TBL1X: variants seen among roughly 807,000 people sequenced by gnomAD.
The protein encoded by TBL1X is F-box-like/WD repeat-containing protein TBL1X.
In TBL1X, 10 loss-of-function variants were observed where a neutral mutation model predicts 50.7. The ratio of observed to expected loss-of-function variants is 0.20; its 90% CI spans 0.12 to 0.33. TBL1X has a LOEUF of 0.33. TBL1X is among the 10% of genes least tolerant of loss of function. TBL1X has a pLI of 1.00. For synonymous variants in TBL1X, 190 were observed against 214.7 expected (o/e 0.88, Z 1.01); for missense variants, 340 against 504.4 (o/e 0.67, Z 3.12).
At chrX:9,580,715 AG>A (rs892202473) in intron 2 of TBL1X, among the ~76,000 whole-genome samples, 3 of 111,180 alleles carry the variant, frequency 2.7e-5, no homozygotes, top group African/African-American at 9.8e-5. Flanking sequence ...TGCAGGGGGA[AG>A]GGGGGGTGCT....
chrX:9,515,859 C>T (rs905089601), intron 2 of TBL1X, among the ~76,000 whole-genome samples: 5 of 111,266 alleles, frequency 4.5e-5, no homozygotes, highest in South Asian at 3.8e-4. Flanking sequence ...GGGCTTTAGG[C>T]GGGTAAGAGG....
intron 2 of TBL1X, among the ~76,000 whole-genome samples, chrX:9,577,409 C>T (rs1204486364): frequency 8.9e-6 from 1 of 112,037 alleles, no homozygotes; most frequent in Non-Finnish European, 1.9e-5. Flanking sequence ...GAAGAGCCGG[C>T]CCCACCTAGG....
At chrX:9,512,700 C>T (rs748505709) in intron 2 of TBL1X, among the ~76,000 whole-genome samples, 5 of 110,496 alleles carry the variant, frequency 4.5e-5, no homozygotes, top group South Asian at 3.9e-4. Context: ...GGTTTCACCA[C>T]GTTGGCCAGG....
chrX:9,545,884 G>A (rs183232781), intron 2 of TBL1X, among the ~76,000 whole-genome samples: 26 of 111,863 alleles, frequency 2.3e-4, no homozygotes, highest in African/African-American at 7.2e-4. Context: ...CTGTATTGTA[G>A]AGGAGTCCCC....
Position 9,502,446 on chromosome X carries a change from T to TC in TBL1X, c.-131+599dup, listed in dbSNP as rs1255984247. 9.8e-5 allele frequency among the ~76,000 whole-genome samples: 11 copies of TC among 112,239 alleles called. No homozygotes were observed. The South Asian group carries it at 2.2e-3, about 23-fold the overall frequency. ...CTGTGCAGGCAGCTGGTGTTCCTGC[T>TC]CCTCCCGCCCAGCTTTGCTTATGAT... On this transcript the variant is annotated intron_variant, in intron 2 of 17. Coordinates refer to ENST00000645353, the MANE Select transcript of TBL1X (RefSeq NM_005647.4).
chrX:9,547,212 C>G (rs1007466545), intron 2 of TBL1X, among the ~76,000 whole-genome samples: 3 of 111,526 alleles, frequency 2.7e-5, no homozygotes, highest in Admixed American at 9.5e-5. Context: ...AGTGGGAACC[C>G]CTCCAGGCTG....
intron 1 of TBL1X, among the ~76,000 whole-genome samples, chrX:9,495,494 A>G (rs886162537): frequency 1.8e-5 from 2 of 111,178 alleles, no homozygotes; most frequent in African/African-American, 6.6e-5. Context: ...TATGTTCTGT[A>G]AAGTCGCTGA....
At chrX:9,653,026 G>A (rs1232260027) in intron 3 of TBL1X, among the ~76,000 whole-genome samples, 2 of 111,232 alleles carry the variant, frequency 1.8e-5, no homozygotes, top group African/African-American at 3.3e-5. Context: ...TTAGCCGGGC[G>A]TATTGGCGGG....
chrX:9,657,011 T>C (rs2082868731), intron 5 of TBL1X, among the ~76,000 whole-genome samples: 1 of 111,967 alleles, frequency 8.9e-6, no homozygotes, highest in African/African-American at 3.2e-5. Flanking sequence ...ACCAAACTCA[T>C]TAAAAACAGG....
At chrX:9,692,275 G>T in intron 9 of TBL1X, 21 bp downstream of exon 9, 1 of 1,151,840 alleles carries the variant, frequency 8.7e-7, no homozygotes, top group Non-Finnish European at 1.1e-6. Context: ...TCCACCCCCT[G>T]GGCACTTTGA....
intron 5 of TBL1X, among the ~76,000 whole-genome samples, chrX:9,662,693 C>T (rs1172525901): frequency 8.9e-6 from 1 of 112,369 alleles, no homozygotes; most frequent in African/African-American, 3.2e-5. Flanking sequence ...GAACTGTGCA[C>T]TTAAAAATGG....
chrX:9,624,049 C>T (rs930027447), intron 2 of TBL1X, among the ~76,000 whole-genome samples: 7 of 112,327 alleles, frequency 6.2e-5, no homozygotes, highest in African/African-American at 2.3e-4. Flanking sequence ...TATCTATTCC[C>T]ATTGACTAGG....
At chrX:9,556,281 G>T (rs2146996192) in intron 2 of TBL1X, among the ~76,000 whole-genome samples, 1 of 110,968 alleles carries the variant, frequency 9.0e-6, no homozygotes, top group African/African-American at 3.3e-5. Context: ...TGCAGTGGTG[G>T]GGGAGAAGGT....
chrX:9,688,121 C>T lies in TBL1X; in HGVS notation c.462C>T (p.Leu154=), dbSNP rs750370822. ...GGCAGCAGGCATTCCGAGAGAAGCTCGCTCAGCAGCAAGCCAGTGCGGCGG... is the reference window on the plus strand; with the variant it reads ...GGCAGCAGGCATTCCGAGAGAAGCTTGCTCAGCAGCAAGCCAGTGCGGCGG... ...QTRQQAFREK[L]AQQQASAAAA... The change falls in exon 7 of 18, where the codon CTC becomes CTT. Residue 154 remains leucine, a synonymous_variant. Coordinates refer to ENST00000645353, the MANE Select transcript of TBL1X (RefSeq NM_005647.4). 10 of 1,208,928 alleles carry T rather than the reference C, an allele frequency of 8.3e-6. No homozygotes were observed. The highest frequency in any genetic ancestry group is 3.5e-5 in the South Asian group (2 of 56,623).
At chrX:9,592,448 T>G (rs1188730018) in intron 2 of TBL1X, among the ~76,000 whole-genome samples, 5 of 112,210 alleles carry the variant, frequency 4.5e-5, no homozygotes, top group Non-Finnish European at 7.5e-5. Context: ...TCATGTCTAG[T>G]TGCATATTCT....
At chrX:9,580,527 A>C (rs2082435329) in intron 2 of TBL1X, among the ~76,000 whole-genome samples, 1 of 111,769 alleles carries the variant, frequency 8.9e-6, no homozygotes, top group Non-Finnish European at 1.9e-5. Context: ...ATAGAAGGGG[A>C]GGCAGGTTTG....
At chrX:9,708,578 G>A (rs1384219111) in intron 13 of TBL1X, among the ~76,000 whole-genome samples, 1 of 110,330 alleles carries the variant, frequency 9.1e-6, no homozygotes, top group Non-Finnish European at 1.9e-5. Context: ...TGGAGGAACT[G>A]TTACATTAAA....
At chrX:9,596,803 A>G (rs2082528677) in intron 2 of TBL1X, among the ~76,000 whole-genome samples, 1 of 111,046 alleles carries the variant, frequency 9.0e-6, no homozygotes, top group Non-Finnish European at 1.9e-5. Context: ...GCACAGATAG[A>G]AGCCATCCCC....
At chrX:9,617,655 CAG>C (rs2082645833) in intron 2 of TBL1X, among the ~76,000 whole-genome samples, 1 of 111,793 alleles carries the variant, frequency 8.9e-6, no homozygotes, top group Non-Finnish European at 1.9e-5. Context: ...CTTCAGAAAA[CAG>C]AAACATTAAT....
Sources: gnomAD v4.1 joint callset for allele counts (sites outside exome capture counted in the v4.1 genomes callset) on GRCh38, gnomAD v4.1.1 for gene constraint, MANE v1.5 for transcripts, NCBI Gene and HGNC (gene_info 2026-07-23, HGNC 2026-07-21) for gene names.